GRIP2: variants seen among roughly 807,000 people sequenced by gnomAD.
The protein encoded by GRIP2 is glutamate receptor interacting protein 2, also known as glutamate receptor-interacting protein 2.
Under a neutral mutation model 108.3 loss-of-function variants are expected in GRIP2, and 58 were observed. The observed-to-expected ratio is 0.54, with a 90% CI of 0.43 to 0.67. The LOEUF (loss-of-function observed/expected upper bound fraction) is 0.67. Among genes scored for constraint, GRIP2 ranks in the 30% least tolerant of loss-of-function variants. The pLI, the probability that GRIP2 is intolerant of heterozygous loss-of-function variation, is 0.00. For synonymous variants in GRIP2, 586 were observed against 598.2 expected (o/e 0.98, Z 0.30); for missense variants, 1,278 against 1,430.6 (o/e 0.89, Z 1.72).
chr3:14,543,885 C>T (rs1695018281), upstream of GRIP2, among the ~76,000 whole-genome samples: 1 of 152,176 alleles, frequency 6.6e-6, no homozygotes, highest in Admixed American at 6.5e-5. Context: ...GGCACTTGTC[C>T]AAATCTCTCT....
the GRIP2 span, among the ~76,000 whole-genome samples, chr3:14,568,872 C>A: frequency 6.6e-6 from 1 of 152,032 alleles, no homozygotes; most frequent in South Asian, 2.1e-4. Flanking sequence ...GTCAGACAAC[C>A]GAGGCTCCAA....
At chr3:14,569,431 C>T in the GRIP2 span, among the ~76,000 whole-genome samples, 1 of 152,180 alleles carries the variant, frequency 6.6e-6, no homozygotes, top group African/African-American at 2.4e-5. Flanking sequence ...TAGTCCCCTG[C>T]CTTGGGGGAG....
At chr3:14,592,885 T>A in the GRIP2 span, among the ~76,000 whole-genome samples, 1 of 152,148 alleles carries the variant, frequency 6.6e-6, no homozygotes, top group Non-Finnish European at 1.5e-5. Flanking sequence ...CTGACTAGCA[T>A]CCTCTTCCCA....
In GRIP2 at chr3:14,521,650, G is replaced by A. The variant is rs1694411860; in HGVS notation, c.704C>T (p.Ala235Val). The change falls in exon 7 of 24, where the codon GCC becomes GTC. Residue 235 changes from alanine (A) to valine (V), a missense_variant. Transcript: ENST00000621039. This position sits in a 1 kb window ranked among gnomAD's most constrained non-coding sequence, Gnocchi z 5.1. ...TCAGGCCCCCAACTCACCAGGGGTG[G>A]CCACATCATACTCCACCTGAAAGAG... ...EALFQVEYDVATPDTVANASG... is the reference protein window; with the variant it reads ...EALFQVEYDVVTPDTVANASG... The A allele has an allele frequency of 1.2e-6, 2 of 1,608,942 alleles. No homozygotes were observed. The highest frequency in any genetic ancestry group is 1.1e-5 in the South Asian group (1 of 90,138).
the GRIP2 span, among the ~76,000 whole-genome samples, chr3:14,592,768 G>C: frequency 6.6e-6 from 1 of 152,142 alleles, no homozygotes. Flanking sequence ...CTAGTGTCTT[G>C]CTTGACCCTG....
intron 1 of GRIP2, among the ~76,000 whole-genome samples, chr3:14,530,740 T>G (rs1022655024): frequency 6.6e-6 from 1 of 152,222 alleles, no homozygotes; most frequent in Non-Finnish European, 1.5e-5. Flanking sequence ...CTTGTGGGTA[T>G]GTAGTAGGTG....
chr3:14,592,534 A>C, the GRIP2 span, among the ~76,000 whole-genome samples: 1 of 152,224 alleles, frequency 6.6e-6, no homozygotes, highest in African/African-American at 2.4e-5. Flanking sequence ...AACTTGCCCA[A>C]GGTCGCCTAC....
chr3:14,549,275 T>C (rs900764449), intron 1 of GRIP2, among the ~76,000 whole-genome samples: 1 of 152,250 alleles, frequency 6.6e-6, no homozygotes, highest in Non-Finnish European at 1.5e-5. Flanking sequence ...GTACAGCTTG[T>C]ACACCTCCAT....
rs1027161847 is a variant in GRIP2 at position 14,507,127 on chromosome 3, T to C, written c.2219-147A>G. 2 of 789,146 alleles carry C rather than the reference T, an allele frequency of 2.5e-6. No homozygotes were observed. The highest frequency in any genetic ancestry group is 4.0e-6 in the Non-Finnish European group (2 of 498,734). 48.9% of individuals were successfully genotyped at this position (789,146 alleles called of 1,614,324 possible). Reference sequence around the variant, plus strand: ...CATGGCACACTAATAAGCAAACCTGTTTCACAGATGGGAAAACTGAGGCTC... The same window carrying C: ...CATGGCACACTAATAAGCAAACCTGCTTCACAGATGGGAAAACTGAGGCTC... On this transcript the variant is annotated intron_variant, in intron 18 of 23. Transcript: ENST00000621039. This position sits in a 1 kb window ranked among gnomAD's most constrained non-coding sequence, Gnocchi z 4.6.
upstream of GRIP2, chr3:14,540,397 G>T: frequency 6.2e-7 from 1 of 1,608,938 alleles, no homozygotes; most frequent in East Asian, 2.2e-5. The surrounding 1 kb of genome is among the most constrained non-coding windows in gnomAD (Gnocchi z 4.1). Flanking sequence ...GGGGCTGTGG[G>T]AGGGAAGCTC....
chr3:14,531,361 C>T (rs1694706235), intron 1 of GRIP2, among the ~76,000 whole-genome samples: 1 of 152,240 alleles, frequency 6.6e-6, no homozygotes, highest in Admixed American at 6.5e-5. Flanking sequence ...TTTCCTGTGA[C>T]TGCACCTGAG....
Position 14,522,764 on chromosome 3 carries a change from C to T in GRIP2, c.566+236G>A. The T allele has an allele frequency of 1.9e-6, 1 of 523,300 alleles. No homozygotes were observed. The highest frequency in any genetic ancestry group is 2.3e-5 in the South Asian group (1 of 43,230). The allele number at this position is 523,300 out of a possible 1,614,324, so 32.4% of individuals were successfully genotyped here. A position where few individuals can be genotyped will look rare whatever the true frequency, so the allele number is the denominator to read the frequency against. On this transcript the variant is annotated intron_variant, in intron 6 of 23. Transcript: ENST00000621039. This position sits in a 1 kb window ranked among gnomAD's most constrained non-coding sequence, Gnocchi z 4.3. ...GACACCAAGGCTGCCCCTCTCCAAA[C>T]ACCCCAACCCCTGAGACAGCAGTAT...
upstream of GRIP2, chr3:14,541,757 A>G: frequency 3.1e-6 from 2 of 635,030 alleles, no homozygotes; most frequent in South Asian, 1.6e-5. Flanking sequence ...ACCAGCAGTG[A>G]TGCCAAGGTC....
chr3:14,509,941 C>A lies in GRIP2; in HGVS notation c.1957G>T (p.Val653Phe). Reference protein sequence around the residue: ...NSDELETTGAVSYTVELKRYG... With the variant: ...NSDELETTGAFSYTVELKRYG... The stretch of plus-strand genomic sequence containing the variant: ...CGCTTCAGCTCCACTGTGTAACTGA[C>A]GGCACCTGTGGTCTCCAGCTCATCT... Residue 653 changes from valine to phenylalanine, a missense_variant, in exon 17 of 24, where the codon GTC (valine) becomes TTC (phenylalanine). By Grantham distance (50) the Val-to-Phe change is conservative. Transcript: ENST00000621039. 2 of 1,533,390 alleles carry A rather than the reference C, an allele frequency of 1.3e-6. No homozygotes were observed. The highest frequency in any genetic ancestry group is 1.8e-6 in the Non-Finnish European group (2 of 1,137,290). 95.0% of individuals were successfully genotyped at this position (1,533,390 alleles called of 1,614,324 possible). A position where few individuals can be genotyped will look rare whatever the true frequency, so the allele number is the denominator to read the frequency against.
intron 1 of GRIP2, among the ~76,000 whole-genome samples, chr3:14,527,751 G>C (rs2102917): frequency 6.6e-6 from 1 of 151,602 alleles, no homozygotes; most frequent in Non-Finnish European, 1.5e-5. Flanking sequence ...CAAAAATTAG[G>C]GGGGTGTGGT....
At chr3:14,569,271 A>G in the GRIP2 span, among the ~76,000 whole-genome samples, 8 of 152,320 alleles carry the variant, frequency 5.3e-5, no homozygotes, top group Admixed American at 3.9e-4. Context: ...AATGATTAAC[A>G]TGGTTGCAGA....
At chr3:14,530,597 C>A (rs1422860443) in intron 1 of GRIP2, among the ~76,000 whole-genome samples, 1 of 152,080 alleles carries the variant, frequency 6.6e-6, no homozygotes, top group Non-Finnish European at 1.5e-5. Flanking sequence ...TAAATGTATT[C>A]CTAGGCATTT....
intron 1 of GRIP2, among the ~76,000 whole-genome samples, chr3:14,550,057 T>C (rs1695120349): frequency 6.6e-6 from 1 of 151,768 alleles, no homozygotes; most frequent in South Asian, 2.1e-4. Flanking sequence ...GTGGGAGCCC[T>C]GCAGGGTTTG....
At chr3:14,561,200 G>C in the GRIP2 span, among the ~76,000 whole-genome samples, 9 of 152,206 alleles carry the variant, frequency 5.9e-5, no homozygotes, top group African/African-American at 2.2e-4. Context: ...GGGAACAGAG[G>C]CTCCCTTAAA....
Sources: gnomAD v4.1 joint callset for allele counts (sites outside exome capture counted in the v4.1 genomes callset) on GRCh38, gnomAD v4.1.1 for gene constraint, Gnocchi (gnomAD v3.1) non-coding constraint, MANE v1.5 for transcripts, NCBI Gene and HGNC (gene_info 2026-07-23, HGNC 2026-07-21) for gene names.